Variants in RPS6KA2 observed in about 807,000 individuals in gnomAD.
RPS6KA2 encodes ribosomal protein S6 kinase alpha-2.
RPS6KA2 carries 42 observed loss-of-function variants against 91.8 expected under a neutral mutation model. The ratio of observed to expected loss-of-function variants is 0.46; its 90% CI spans 0.36 to 0.59. The LOEUF is 0.59. RPS6KA2 is among the 20% of genes least tolerant of loss of function. The pLI is 0.00. For synonymous variants in RPS6KA2, 414 were observed against 393.6 expected (o/e 1.05, Z -0.61); for missense variants, 798 against 978.5 (o/e 0.82, Z 2.46).
intron 2 of RPS6KA2, among the ~76,000 whole-genome samples, chr6:166,783,871 C>T (rs1415490787): frequency 8.7e-6 from 1 of 114,734 alleles, no homozygotes; most frequent in Admixed American, 8.2e-5. Flanking sequence ...ACGTGCACAC[C>T]TACGCATCAC....
At chr6:166,813,642 G>A (rs1214730006) in intron 2 of RPS6KA2, among the ~76,000 whole-genome samples, 1 of 152,034 alleles carries the variant, frequency 6.6e-6, no homozygotes, top group African/African-American at 2.4e-5. Flanking sequence ...GGTGTTGCTG[G>A]GAATCCCCAG....
intron 2 of RPS6KA2, among the ~76,000 whole-genome samples, chr6:166,756,690 T>C (rs773191889): frequency 6.6e-6 from 1 of 151,702 alleles, no homozygotes. Context: ...TCTACTAAAA[T>C]ACAAAATTAG....
intron 12 of RPS6KA2, 112 bp from the exon 13 acceptor site, chr6:166,451,345 G>A: frequency 8.7e-7 from 1 of 1,153,652 alleles, no homozygotes; most frequent in Admixed American, 1.9e-5. Flanking sequence ...GTGTGTGTGT[G>A]TGTGTGTGTG....
chr6:166,421,053 G>T (rs1778703590), intron 17 of RPS6KA2, among the ~76,000 whole-genome samples: 1 of 152,164 alleles, frequency 6.6e-6, no homozygotes. Flanking sequence ...CCATGGAGGG[G>T]ACCAGCCAGC....
rs759240466 is a variant in RPS6KA2 at position 166,469,872 on chromosome 6, C to T, written c.941G>A (p.Arg314His). 13 of 1,614,056 alleles carry T rather than the reference C, an allele frequency of 8.1e-6. No homozygotes were observed. Among genetic ancestry groups the T allele is most frequent in the African/African-American group, 2.7e-5 (2 of 74,922 alleles). The change falls in exon 11 of 21, where the codon CGC becomes CAC. Residue 314 changes from arginine (R) to histidine (H), a missense_variant. Arg to His is a conservative substitution (Grantham distance 29). Transcript: ENST00000265678. ...GTCTATGGTCACAAAGAAGGGATGG[C>T]GCTTAATTTCCTCCACTCCGTCAAT... ...AGIDGVEEIK[R>H]HPFFVTIDWN...
intron 3 of RPS6KA2, among the ~76,000 whole-genome samples, chr6:166,522,872 C>A (rs976317821): frequency 6.6e-6 from 1 of 152,172 alleles, no homozygotes; most frequent in Non-Finnish European, 1.5e-5. Context: ...AAGTTAACCA[C>A]ACTGATTACC....
chr6:166,513,079 A>C (rs1161417688), intron 3 of RPS6KA2, among the ~76,000 whole-genome samples: 1 of 152,202 alleles, frequency 6.6e-6, no homozygotes, highest in Non-Finnish European at 1.5e-5. Context: ...ATAGCTGATG[A>C]GCTTCAAAAC....
At chr6:166,475,928 C>G (rs967999059) in intron 10 of RPS6KA2, 2 of 451,068 alleles carry the variant, frequency 4.4e-6, no homozygotes, top group African/African-American at 4.1e-5. Context: ...TTCCAGCTGT[C>G]AATATCTGTG....
chr6:166,439,488 T>C (rs1779451315), intron 14 of RPS6KA2, among the ~76,000 whole-genome samples: 1 of 152,252 alleles, frequency 6.6e-6, no homozygotes, highest in Admixed American at 6.5e-5. Context: ...CCCTTCATTG[T>C]GTGCTGAAAT....
chr6:166,501,728 C>T (rs1782037647), intron 6 of RPS6KA2, among the ~76,000 whole-genome samples: 1 of 152,130 alleles, frequency 6.6e-6, no homozygotes, highest in Admixed American at 6.5e-5. Context: ...CACCTGTGGC[C>T]CTAAACTTTC....
At position 166,639,680 on chromosome 6, in the gene RPS6KA2, C is replaced by T. The variant is rs1331474698; in HGVS notation, c.124-100896G>A. ...AAGATGAACTGTGGTGTCTCCGTGA[C>T]ATCATTCACGCAGTGGCCACGGCTG... On this transcript the variant is annotated intron_variant, in intron 2 of 21. Transcript: ENST00000503859. This position sits in a 1 kb window ranked among gnomAD's most constrained non-coding sequence, Gnocchi z 4.2. 6.6e-6 allele frequency among the ~76,000 whole-genome samples: 1 copy of T among 152,176 alleles called. No homozygotes were observed. The highest frequency in any genetic ancestry group is 1.5e-5 in the Non-Finnish European group (1 of 68,036).
At chr6:166,838,482 C>CA (rs1234280355) in intron 2 of RPS6KA2, among the ~76,000 whole-genome samples, 2 of 152,030 alleles carry the variant, frequency 1.3e-5, no homozygotes, top group Admixed American at 6.5e-5. Context: ...AAAATATTCA[C>CA]AAAAAAATAC....
chr6:166,559,331 C>T (rs964252778), intron 1 of RPS6KA2, among the ~76,000 whole-genome samples: 8 of 152,150 alleles, frequency 5.3e-5, no homozygotes, highest in South Asian at 2.1e-4. Context: ...GGAGAAAATA[C>T]ATGGGTAGGA....
At chr6:166,470,618 G>T (rs184912675) in intron 10 of RPS6KA2, among the ~76,000 whole-genome samples, 1 of 152,204 alleles carries the variant, frequency 6.6e-6, no homozygotes, top group Non-Finnish European at 1.5e-5. Flanking sequence ...ATTCCCTAAC[G>T]GTGGATACAT....
At chr6:166,800,287 C>T (rs1054194437) in intron 2 of RPS6KA2, among the ~76,000 whole-genome samples, 22 of 152,168 alleles carry the variant, frequency 1.4e-4, no homozygotes, top group Non-Finnish European at 2.8e-4. Context: ...TGCCCTCAGC[C>T]CCTAGAGCAC....
Position 166,500,903 on chromosome 6 carries a change from C to T in RPS6KA2, c.588G>A (p.Gly196=), listed in dbSNP as rs1432849601. ...KPENILLDEE[G]HIKITDFGLS... is the part of the protein sequence containing the mutation. Reference sequence around the variant, plus strand: ...TTTACAAACCTGTGATCTTAATGTGCCCCTCTTCATCCAGGAGGATGCTAA... The same window carrying T: ...TTTACAAACCTGTGATCTTAATGTGTCCCTCTTCATCCAGGAGGATGCTAA... Residue 196 remains glycine (G), a synonymous_variant, in exon 7 of 21, where the codon GGG becomes GGA. Coordinates refer to ENST00000265678, the MANE Select transcript of RPS6KA2 (RefSeq NM_021135.6). The surrounding 1 kb of genome is among the most constrained non-coding windows in gnomAD (Gnocchi z 4.3). The T allele has an allele frequency of 1.9e-6, 3 of 1,613,990 alleles. No homozygotes were observed. The highest frequency in any genetic ancestry group is 2.2e-5 in the East Asian group (1 of 44,886).
At chr6:166,747,907 A>C (rs1351387923) in intron 2 of RPS6KA2, among the ~76,000 whole-genome samples, 4 of 152,190 alleles carry the variant, frequency 2.6e-5, no homozygotes, top group Non-Finnish European at 4.4e-5. Flanking sequence ...AGCTGTGAGA[A>C]GGCAGCGGCT....
intron 2 of RPS6KA2, among the ~76,000 whole-genome samples, chr6:166,633,987 A>G (rs1787159727): frequency 6.6e-6 from 1 of 152,200 alleles, no homozygotes; most frequent in South Asian, 2.1e-4. Context: ...GAGCAGAAAG[A>G]AAGAGCAGCT....
intron 13 of RPS6KA2, among the ~76,000 whole-genome samples, chr6:166,450,296 CGGGGACCACCATAGGGACCACCAG>C (rs1779848949): frequency 1.4e-5 from 2 of 143,192 alleles, no homozygotes; most frequent in Non-Finnish European, 3.1e-5. Flanking sequence ...GGAACCACCA[CGGGGACCACCATAGGGACCACCAG>C]GGGGACCACC....
Sources: gnomAD v4.1 joint callset for allele counts (sites outside exome capture counted in the v4.1 genomes callset) on GRCh38, gnomAD v4.1.1 for gene constraint, Gnocchi (gnomAD v3.1) non-coding constraint, MANE v1.5 for transcripts, NCBI Gene and HGNC (gene_info 2026-07-23, HGNC 2026-07-21) for gene names.